Variants in SCFD2 observed in about 807,000 individuals in gnomAD.
SCFD2 encodes sec1 family domain containing 2, also known as sec1 family domain-containing protein 2.
Under a neutral mutation model 58.9 loss-of-function variants are expected in SCFD2, and 54 were observed. That is an observed-to-expected ratio of 0.92 (90% CI 0.74 to 1.15). The LOEUF (loss-of-function observed/expected upper bound fraction) is 1.15. Among genes scored for constraint, SCFD2 ranks in the 50% most tolerant of loss-of-function variants. The pLI is 0.00. For synonymous variants in SCFD2, 321 were observed against 335.9 expected (o/e 0.96, Z 0.49); for missense variants, 805 against 836.6 (o/e 0.96, Z 0.47).
chr4:53,211,205 T>C (rs1728599186), intron 4 of SCFD2, among the ~76,000 whole-genome samples: 1 of 149,798 alleles, frequency 6.7e-6, no homozygotes, highest in Non-Finnish European at 1.5e-5. Context: ...ATTGCACCAC[T>C]GCCCTCCAGC....
chr4:53,119,768 A>T (rs1429174408), intron 5 of SCFD2, among the ~76,000 whole-genome samples: 2 of 152,210 alleles, frequency 1.3e-5, no homozygotes, highest in African/African-American at 2.4e-5. Context: ...TATTCCAACA[A>T]CACAGATGAA....
chr4:52,895,816 A>G (rs1718993106), intron 7 of SCFD2, among the ~76,000 whole-genome samples: 1 of 152,198 alleles, frequency 6.6e-6, no homozygotes. Flanking sequence ...CATCCTCTCT[A>G]GCACCTGTTG....
intron 2 of SCFD2, among the ~76,000 whole-genome samples, chr4:53,336,544 A>ATTTAT (rs1733689995): frequency 2.7e-5 from 4 of 148,764 alleles, no homozygotes; most frequent in South Asian, 2.1e-4. Flanking sequence ...TATTTATTTG[A>ATTTAT]GTTGGAGTTT....
At chr4:53,328,292 T>C (rs988173343) in intron 2 of SCFD2, among the ~76,000 whole-genome samples, 2 of 152,168 alleles carry the variant, frequency 1.3e-5, no homozygotes, top group African/African-American at 4.8e-5. Context: ...GCAAGCACAC[T>C]GAGCCCAGAT....
chr4:53,163,439 A>G (rs557552869), intron 4 of SCFD2, among the ~76,000 whole-genome samples: 1 of 152,190 alleles, frequency 6.6e-6, no homozygotes, highest in South Asian at 2.1e-4. Context: ...AAAGAGGAGA[A>G]GAGGCCAGGC....
At chr4:53,034,814 G>A (rs1349087877) in intron 5 of SCFD2, among the ~76,000 whole-genome samples, 1 of 152,156 alleles carries the variant, frequency 6.6e-6, no homozygotes, top group Non-Finnish European at 1.5e-5. Context: ...ACTGCTCAAC[G>A]AAATAAAAGA....
At chr4:53,177,661 AGGTGCAGGGCAGTG>A (rs1245795742) in intron 4 of SCFD2, among the ~76,000 whole-genome samples, 1 of 152,170 alleles carries the variant, frequency 6.6e-6, no homozygotes, top group Admixed American at 6.5e-5. Flanking sequence ...GCCAGACAGT[AGGTGCAGGGCAGTG>A]GGTGCAGCGC....
chr4:52,905,942 G>C (rs1013337934), intron 7 of SCFD2, among the ~76,000 whole-genome samples: 6 of 152,214 alleles, frequency 3.9e-5, no homozygotes, highest in Non-Finnish European at 8.8e-5. Context: ...AGGAAGGATT[G>C]TAAAGTCCAT....
chr4:52,904,412 G>A (rs761515170), intron 7 of SCFD2, among the ~76,000 whole-genome samples: 7 of 152,186 alleles, frequency 4.6e-5, no homozygotes, highest in South Asian at 2.1e-4. Flanking sequence ...AGCAGCAAGC[G>A]ACAAGAAAGA....
intron 5 of SCFD2, among the ~76,000 whole-genome samples, chr4:52,951,597 A>T (rs1720595073): frequency 6.6e-6 from 1 of 152,188 alleles, no homozygotes; most frequent in Admixed American, 6.5e-5. Context: ...GGATCCACCT[A>T]ATTTTCCAGC....
At chr4:53,329,237 C>G (rs530791672) in intron 2 of SCFD2, among the ~76,000 whole-genome samples, 1 of 152,196 alleles carries the variant, frequency 6.6e-6, no homozygotes, top group Admixed American at 6.5e-5. Flanking sequence ...CTGGGTGGAG[C>G]CCACCACAGC....
At chr4:53,127,889 T>G (rs919925268) in intron 5 of SCFD2, among the ~76,000 whole-genome samples, 1 of 151,832 alleles carries the variant, frequency 6.6e-6, no homozygotes, top group African/African-American at 2.4e-5. Context: ...AGCACACTAT[T>G]TGGTAACCAT....
chr4:53,037,752 T>C (rs756465728), intron 5 of SCFD2, among the ~76,000 whole-genome samples: 2 of 152,198 alleles, frequency 1.3e-5, no homozygotes, highest in African/African-American at 4.8e-5. Flanking sequence ...TTGGACACTA[T>C]GTTGTCTCAG....
chr4:53,272,937 C>T (rs567710141), intron 4 of SCFD2, among the ~76,000 whole-genome samples: 1 of 151,956 alleles, frequency 6.6e-6, no homozygotes, highest in African/African-American at 2.4e-5. Context: ...AAAATTAAAA[C>T]CCATAGCATA....
chr4:53,077,985 C>T (rs1243145243), intron 5 of SCFD2, among the ~76,000 whole-genome samples: 1 of 152,096 alleles, frequency 6.6e-6, no homozygotes, highest in Non-Finnish European at 1.5e-5. Flanking sequence ...TAATGTTAAG[C>T]TCCAGCATAT....
Position 53,332,823 on chromosome 4 carries a change from C to A in SCFD2, c.1008-19060G>T, listed in dbSNP as rs879296455. On this transcript the variant is annotated intron_variant, in intron 2 of 8. Transcript: ENST00000401642. Reference sequence around the variant, plus strand: ...AAGTCAAATTGTCCCTGTTTGCAGACGACATGATTGTATATCTAGAAAACC... The same window carrying A: ...AAGTCAAATTGTCCCTGTTTGCAGAAGACATGATTGTATATCTAGAAAACC... Among the ~76,000 whole-genome samples the A allele has an allele frequency of 1.5e-4, 22 of 150,640 alleles. No homozygotes were observed. The South Asian group carries it at 4.7e-3, about 32-fold the overall frequency.
intron 4 of SCFD2, among the ~76,000 whole-genome samples, chr4:53,262,966 G>A (rs1275005716): frequency 2.6e-5 from 4 of 151,806 alleles, no homozygotes; most frequent in African/African-American, 9.7e-5. Flanking sequence ...TTTTTTCTTT[G>A]TCTATGATGG....
chr4:53,210,420 C>A (rs1221993514), intron 4 of SCFD2, among the ~76,000 whole-genome samples: 1 of 152,006 alleles, frequency 6.6e-6, no homozygotes, highest in African/African-American at 2.4e-5. Context: ...AATTATTTTT[C>A]TTTTTCACTC....
At chr4:53,115,639 A>C (rs1725298121) in intron 5 of SCFD2, among the ~76,000 whole-genome samples, 1 of 152,204 alleles carries the variant, frequency 6.6e-6, no homozygotes, top group Non-Finnish European at 1.5e-5. Context: ...AAAGGTAGTC[A>C]CATTTGTATT....
Sources: gnomAD v4.1 joint callset for allele counts (sites outside exome capture counted in the v4.1 genomes callset) on GRCh38, gnomAD v4.1.1 for gene constraint, MANE v1.5 for transcripts, NCBI Gene and HGNC (gene_info 2026-07-23, HGNC 2026-07-21) for gene names.